Variants in NRG3 observed in about 807,000 individuals in gnomAD.
The protein encoded by NRG3 is pro-neuregulin-3, membrane-bound isoform.
Under a neutral mutation model 66.9 loss-of-function variants are expected in NRG3, and 31 were observed. The ratio of observed to expected loss-of-function variants is 0.46; its 90% CI spans 0.35 to 0.63. The LOEUF (loss-of-function observed/expected upper bound fraction) is 0.63, where lower values mean the gene tolerates loss of function less well. Among genes scored for constraint, NRG3 ranks in the 20% least tolerant of loss-of-function variants. The pLI, the probability that NRG3 is intolerant of heterozygous loss-of-function variation, is 0.00. For missense variants in NRG3, 910 were observed against 878.9 expected (o/e 1.04, Z -0.45); for synonymous variants, 393 against 359.4 (o/e 1.09, Z -1.06).
chr10:82,105,873 A>T (rs2132172089), intron 1 of NRG3, among the ~76,000 whole-genome samples: 1 of 152,266 alleles, frequency 6.6e-6, no homozygotes, highest in South Asian at 2.1e-4. Context: ...GATATGACGC[A>T]GTAAAATCCA....
rs1392331708 is a variant in NRG3 at position 82,108,127 on chromosome 10, A to G, written c.823+231964A>G. Among the ~76,000 whole-genome samples the G allele has an allele frequency of 3.9e-5, 6 of 152,354 alleles. No homozygotes were observed. In the East Asian group the frequency reaches 1.2e-3, roughly 29 times the overall value. The stretch of plus-strand genomic sequence containing the variant: ...CAAGCCATCTGATATGCCCAGATGA[A>G]GAACGACAAAGTAATCAGATAAGTT... On this transcript the variant is annotated intron_variant, in intron 1 of 8. Coordinates refer to ENST00000372141, the MANE Select transcript of NRG3 (RefSeq NM_001010848.4).
intron 2 of NRG3, among the ~76,000 whole-genome samples, chr10:82,553,422 T>G (rs2044456007): frequency 6.6e-6 from 1 of 152,152 alleles, no homozygotes; most frequent in African/African-American, 2.4e-5. Context: ...CATATCCATC[T>G]TTCTTTGGAG....
intron 3 of NRG3, 110 bp from the exon 4 acceptor site, chr10:82,865,301 G>A (rs1840601593): frequency 1.9e-6 from 2 of 1,049,082 alleles, no homozygotes; most frequent in East Asian, 2.4e-5. Context: ...TTGAGGCTGT[G>A]CCTTGCCTTG....
chr10:81,981,957 A>G (rs575025247), intron 1 of NRG3, among the ~76,000 whole-genome samples: 1 of 152,256 alleles, frequency 6.6e-6, no homozygotes, highest in South Asian at 2.1e-4. Flanking sequence ...TAATTTCTTT[A>G]TGGAGTAATT....
chr10:82,903,330 A>G (rs144568130), intron 4 of NRG3, among the ~76,000 whole-genome samples: 1 of 152,150 alleles, frequency 6.6e-6, no homozygotes, highest in Non-Finnish European at 1.5e-5. Context: ...AGTAAATTGT[A>G]TATCCAGTAA....
intron 1 of NRG3, among the ~76,000 whole-genome samples, chr10:82,004,778 G>C (rs2061320547): frequency 6.6e-6 from 1 of 152,208 alleles, no homozygotes; most frequent in Non-Finnish European, 1.5e-5. Flanking sequence ...CTGGACACAG[G>C]CAGGCACAGA....
chr10:82,191,283 T>G (rs1263679520), intron 1 of NRG3, among the ~76,000 whole-genome samples: 1 of 152,130 alleles, frequency 6.6e-6, no homozygotes, highest in Non-Finnish European at 1.5e-5. Flanking sequence ...TTTATCTAGG[T>G]CACAGAATTT....
At chr10:82,014,261 G>A (rs1262147006) in intron 1 of NRG3, among the ~76,000 whole-genome samples, 1 of 152,178 alleles carries the variant, frequency 6.6e-6, no homozygotes, top group Non-Finnish European at 1.5e-5. Context: ...ACTGTTGCAT[G>A]TAAACTCCTC....
At chr10:82,914,802 T>C (rs746314693) in intron 4 of NRG3, among the ~76,000 whole-genome samples, 1 of 151,284 alleles carries the variant, frequency 6.6e-6, no homozygotes, top group Non-Finnish European at 1.5e-5. Context: ...GCTAGAGAGG[T>C]TTCAAATTAG....
chr10:81,889,503 A>T (rs527528695), intron 1 of NRG3: 1 of 152,278 alleles, frequency 6.6e-6, no homozygotes, highest in East Asian at 1.9e-4. Flanking sequence ...TTTCACCCTA[A>T]AGAAGAACCT....
intron 1 of NRG3, among the ~76,000 whole-genome samples, chr10:82,080,296 C>T (rs1018707603): frequency 4.6e-5 from 7 of 152,118 alleles, no homozygotes; most frequent in Admixed American, 4.6e-4. Flanking sequence ...CCTTCAACAA[C>T]CCTGGGTTCT....
intron 2 of NRG3, among the ~76,000 whole-genome samples, chr10:82,463,342 A>C (rs1478790924): frequency 6.6e-6 from 1 of 152,216 alleles, no homozygotes; most frequent in African/African-American, 2.4e-5. Flanking sequence ...TTGTGGCTGA[A>C]GCATTAGTCA....
intron 1 of NRG3, among the ~76,000 whole-genome samples, chr10:82,302,181 G>T (rs1201792490): frequency 6.6e-6 from 1 of 151,352 alleles, no homozygotes; most frequent in East Asian, 1.9e-4. Flanking sequence ...AAAAGTTAAT[G>T]TAGTACTTTA....
At chr10:82,940,809 T>G (rs542467861) in intron 4 of NRG3, among the ~76,000 whole-genome samples, 1 of 152,186 alleles carries the variant, frequency 6.6e-6, no homozygotes, top group South Asian at 2.1e-4. Flanking sequence ...CCCTCATGAC[T>G]TACCCACTTC....
intron 2 of NRG3, among the ~76,000 whole-genome samples, chr10:82,486,902 G>C (rs1296818550): frequency 6.6e-6 from 1 of 152,140 alleles, no homozygotes; most frequent in Middle Eastern, 3.4e-3. Context: ...AAGTGGAATG[G>C]TACTTGCTAG....
At chr10:81,906,074 TG>T (rs943926558) in intron 1 of NRG3, among the ~76,000 whole-genome samples, 3 of 152,220 alleles carry the variant, frequency 2.0e-5, no homozygotes, top group Non-Finnish European at 4.4e-5. Context: ...GGTACCTTGT[TG>T]TAATGTACTT....
chr10:81,894,769 T>C (rs1420693515), intron 1 of NRG3, among the ~76,000 whole-genome samples: 1 of 152,146 alleles, frequency 6.6e-6, no homozygotes, highest in Non-Finnish European at 1.5e-5. Flanking sequence ...TGCTCCATTG[T>C]GTGGGAGGAG....
chr10:82,841,301 A>C (rs1396190766), intron 3 of NRG3, among the ~76,000 whole-genome samples: 4 of 152,190 alleles, frequency 2.6e-5, no homozygotes, highest in African/African-American at 9.6e-5. Flanking sequence ...GTTTTAAGCC[A>C]TTTGGTTTAT....
chr10:82,621,736 A>G (rs763853579), intron 2 of NRG3, among the ~76,000 whole-genome samples: 1 of 152,166 alleles, frequency 6.6e-6, no homozygotes, highest in African/African-American at 2.4e-5. Flanking sequence ...AGCTTACTTA[A>G]TTCCCAAGGT....
Sources: allele counts gnomAD v4.1 joint callset (sites outside exome capture counted in the v4.1 genomes callset), GRCh38; gene constraint gnomAD v4.1.1; transcripts MANE v1.5; gene names NCBI Gene and HGNC (gene_info 2026-07-23, HGNC 2026-07-21).